LRRC19: variants seen among roughly 807,000 people sequenced by gnomAD.
LRRC19 encodes the protein leucine rich repeat containing 19.
Under a neutral mutation model 33.3 loss-of-function variants are expected in LRRC19, and 33 were observed. The ratio of observed to expected loss-of-function variants is 0.99; its 90% CI spans 0.75 to 1.33. LRRC19 has a LOEUF of 1.33. Ranked by LOEUF, LRRC19 falls within the 40% of genes most tolerant of loss-of-function variation. LRRC19 has a pLI of 0.00. For synonymous variants in LRRC19, 184 were observed against 152.3 expected (o/e 1.21, Z -1.53); for missense variants, 463 against 417.3 (o/e 1.11, Z -0.95).
chr9:26,998,926 G>A (rs559261375), intron 2 of LRRC19, among the ~76,000 whole-genome samples: 5 of 152,182 alleles, frequency 3.3e-5, no homozygotes, highest in South Asian at 2.1e-4. Flanking sequence ...CCCAGGAGGC[G>A]GAGGTTGCAG....
chr9:26,999,294 A>G (rs1828347391), intron 2 of LRRC19, among the ~76,000 whole-genome samples: 2 of 152,192 alleles, frequency 1.3e-5, no homozygotes, highest in South Asian at 4.1e-4. Flanking sequence ...TAATAATTCA[A>G]TAGCAGTTTC....
At position 26,999,635 on chromosome 9, in the gene LRRC19, G is replaced by A; in HGVS notation, c.60C>T (p.Asp20=). The part of the protein sequence containing the change: ...FWPLSMILLS[D]KIQSSKREVQ... ...TTACTCTTTTAGAAGACTGGATTTT[G>A]TCTGATAATAATATCATGGAGAGGG... Residue 20 remains aspartate, a synonymous_variant, in exon 2 of 5, where the codon GAC becomes GAT. Coordinates refer to ENST00000380055, the MANE Select transcript of LRRC19 (RefSeq NM_022901.3). 1.9e-6 allele frequency: 3 copies of A among 1,606,748 alleles called. No individual in the cohort carries two copies. Among genetic ancestry groups the A allele is most frequent in the Non-Finnish European group, 2.6e-6 (3 of 1,176,328 alleles).
At chr9:26,998,393 T>C in intron 2 of LRRC19, 152 bp from the exon 3 acceptor site, 3 of 472,946 alleles carry the variant, frequency 6.3e-6, no homozygotes, top group Non-Finnish European at 7.3e-6. Flanking sequence ...AGAGCAAATC[T>C]TTTTCTTTAT....
intron 1 of LRRC19, among the ~76,000 whole-genome samples, chr9:27,002,011 C>CT (rs1459621891): frequency 1.3e-5 from 2 of 151,474 alleles, no homozygotes; most frequent in Non-Finnish European, 2.9e-5. Flanking sequence ...GGATGCACGT[C>CT]TGGGGGGTCC....
chr9:27,005,448 G>C (rs539183204), intron 1 of LRRC19, 144 bp downstream of exon 1: 2 of 131,822 alleles, frequency 1.5e-5, no homozygotes, highest in East Asian at 4.5e-4. Flanking sequence ...TAGTATTTTT[G>C]AGGTAGACCA....
In LRRC19 at chr9:26,995,796, C is replaced by T; in HGVS notation, c.838G>A (p.Val280Ile). Reference sequence around the variant, plus strand: ...AAAATGAGAAGTGAAGTCGTCAGTACAGTGACAACAACACCAACAAGAAAA... The same window carrying T: ...AAAATGAGAAGTGAAGTCGTCAGTATAGTGACAACAACACCAACAAGAAAA... ...WAFLVGVVVT[V>I]LTTSLLIFIA... The change falls in exon 5 of 5, where the codon GTA becomes ATA. Residue 280 changes from valine (V) to isoleucine (I), a missense_variant. Coordinates refer to ENST00000380055, the MANE Select transcript of LRRC19 (RefSeq NM_022901.3). 1 of 1,612,570 alleles carries T rather than the reference C, an allele frequency of 6.2e-7. No homozygotes were observed. Among genetic ancestry groups the T allele is most frequent in the Non-Finnish European group, 8.5e-7 (1 of 1,179,214 alleles).
chr9:27,005,352 TCCC>T lies in LRRC19; in HGVS notation c.-10+237_-10+239del, dbSNP rs1443234170. Among the ~76,000 whole-genome samples the T allele has an allele frequency of 6.3e-4, 12 of 18,938 alleles. No individual in the cohort carries two copies. The East Asian group carries it at 0.029, about 46-fold the overall frequency. 12.4% of individuals were successfully genotyped at this position (18,938 alleles called of 152,430 possible). Reference sequence around the variant, plus strand: ...ATTTGATTGGCTAGATGAAACCATTTCCCCCCCCGCCCCCCGCAAAACAATTAC... The same window carrying T: ...ATTTGATTGGCTAGATGAAACCATTTCCCCCGCCCCCCGCAAAACAATTAC... On this transcript the variant is annotated intron_variant, in intron 1 of 4. Coordinates refer to ENST00000380055, the MANE Select transcript of LRRC19 (RefSeq NM_022901.3).
chr9:26,999,970 T>C (rs191841940), intron 1 of LRRC19, among the ~76,000 whole-genome samples: 1 of 152,012 alleles, frequency 6.6e-6, no homozygotes, highest in African/African-American at 2.4e-5. Context: ...GGGGTCACCA[T>C]GTGTTACTCA....
chr9:26,993,262 A>G lies in LRRC19; in HGVS notation c.*2259T>C, dbSNP rs1381559323. ...ATATTTCATTTTGCTACATTTCTCA[A>G]ATATTAATATTTGCATCTTATAATT... is the stretch of plus-strand genomic sequence containing the variant. On this transcript the variant is annotated 3_prime_UTR_variant, in exon 5 of 5. Coordinates refer to ENST00000380055, the MANE Select transcript of LRRC19 (RefSeq NM_022901.3). 2.0e-5 allele frequency: 3 copies of G among 152,128 alleles called. No individual in the cohort carries two copies. In the East Asian group the frequency reaches 5.8e-4, roughly 29 times the overall value. 9.4% of individuals were successfully genotyped at this position (152,128 alleles called of 1,614,324 possible).
chr9:26,994,011 C>A lies in LRRC19; in HGVS notation c.*1510G>T, dbSNP rs1489107133. The A allele has an allele frequency of 1.3e-5, 2 of 152,096 alleles. No individual in the cohort carries two copies. Among genetic ancestry groups the A allele is most frequent in the Non-Finnish European group, 2.9e-5 (2 of 68,014 alleles). 9.4% of individuals were successfully genotyped at this position (152,096 alleles called of 1,614,324 possible). On this transcript the variant is annotated 3_prime_UTR_variant, in exon 5 of 5. Transcript: ENST00000380055. ...ATAAATTATTAAATTGTGATTATAGCCAATTGATTATGAGGACTCAGCAAA... is the reference window on the plus strand; with the variant it reads ...ATAAATTATTAAATTGTGATTATAGACAATTGATTATGAGGACTCAGCAAA...
chr9:26,997,526 G>T (rs1254147369), intron 3 of LRRC19, among the ~76,000 whole-genome samples: 1 of 152,022 alleles, frequency 6.6e-6, no homozygotes, highest in African/African-American at 2.4e-5. Flanking sequence ...CAGAGATGGG[G>T]TTTCACCATG....
intron 1 of LRRC19, among the ~76,000 whole-genome samples, chr9:27,001,760 C>T (rs901210549): frequency 1.3e-5 from 2 of 151,866 alleles, no homozygotes; most frequent in South Asian, 2.1e-4. Context: ...TTTCTCATTC[C>T]GTGGGTTGTC....
intron 1 of LRRC19, among the ~76,000 whole-genome samples, chr9:27,002,538 G>A (rs996395767): frequency 1.3e-5 from 2 of 152,172 alleles, no homozygotes; most frequent in Non-Finnish European, 2.9e-5. Flanking sequence ...ACCATTTATT[G>A]AAACAACTAT....
At chr9:26,995,923 C>G in intron 4 of LRRC19, 74 bp from the exon 5 acceptor site, 1 of 1,021,146 alleles carries the variant, frequency 9.8e-7, no homozygotes, top group East Asian at 2.6e-5. Context: ...ATTATATATC[C>G]TAATTCTCCT....
Position 26,997,889 on chromosome 9 carries a change from C to T in LRRC19, c.434G>A (p.Arg145Lys), listed in dbSNP as rs758711575. ...TTGCAGATTCAGAAGTTTTAGGCTT[C>T]TTAGAGGCACAAATACATCAGCATT... Reference protein sequence around the residue: ...QLNADVFVPLRSLKLLNLQGN... With the variant: ...QLNADVFVPLKSLKLLNLQGN... Residue 145 changes from arginine (R) to lysine (K), a missense_variant, in exon 3 of 5, where the codon AGA (arginine) becomes AAA (lysine). Arg to Lys is a conservative substitution (Grantham distance 26). Coordinates refer to ENST00000380055, the MANE Select transcript of LRRC19 (RefSeq NM_022901.3). The T allele has an allele frequency of 6.2e-7, 1 of 1,614,032 alleles. No individual in the cohort carries two copies. Among genetic ancestry groups the T allele is most frequent in the Non-Finnish European group, 8.5e-7 (1 of 1,180,020 alleles).
Position 26,998,204 on chromosome 9 carries a change from A to T in LRRC19, c.119T>A (p.Leu40Ter), listed in dbSNP as rs934346255. Residue 40 changes from leucine (L) to a stop codon, truncating the protein, a stop_gained, in exon 3 of 5, where the codon TTG becomes TAG. Coordinates refer to ENST00000380055, the MANE Select transcript of LRRC19 (RefSeq NM_022901.3). LOFTEE classifies it high-confidence loss of function. Reference sequence around the variant, plus strand: ...ATCTTTCTTGATATCTGCTGGAATCAAGGTATAATTTTTTTCAGTAAAATT... The same window carrying T: ...ATCTTTCTTGATATCTGCTGGAATCTAGGTATAATTTTTTTCAGTAAAATT... ...QCNFTEKNYT[L>*]IPADIKKDVT... 6.5e-7 allele frequency: 1 copy of T among 1,527,332 alleles called. No individual in the cohort carries two copies. Among genetic ancestry groups the T allele is most frequent in the South Asian group, 1.3e-5 (1 of 78,700 alleles). The allele number at this position is 1,527,332 out of a possible 1,614,324, so 94.6% of individuals were successfully genotyped here.
rs762212479 is a variant in LRRC19 at position 26,998,141 on chromosome 9, AGAG to A, written c.179_181del (p.Thr60_Leu61delinsIle). ...TAGAACTCTTGTGTCTGTACCATTA[AGAG>A]TAATTTGGTTATAACTGAGATCAAG... On this transcript the variant is annotated inframe_deletion, in exon 3 of 5. Transcript: ENST00000380055. The A allele has an allele frequency of 6.2e-7, 1 of 1,610,688 alleles. No individual in the cohort carries two copies. Among genetic ancestry groups the A allele is most frequent in the Non-Finnish European group, 8.5e-7 (1 of 1,177,658 alleles).
Position 26,996,461 on chromosome 9 carries a change from G to T in LRRC19, c.634C>A (p.Leu212Met). The change falls in exon 4 of 5, where the codon CTG becomes ATG. Residue 212 changes from leucine (L) to methionine (M), a missense_variant. By Grantham distance (15) the Leu-to-Met change is conservative. Coordinates refer to ENST00000380055, the MANE Select transcript of LRRC19 (RefSeq NM_022901.3). Reference sequence around the variant, plus strand: ...ACTGTTTTGATATTGTAGCTCTGCAGGCTGTTGGGGTAGCTACACATGGTG... The same window carrying T: ...ACTGTTTTGATATTGTAGCTCTGCATGCTGTTGGGGTAGCTACACATGGTG... The part of the protein sequence containing the change: ...NITMCSYPNS[L>M]QSYNIKTVPH... 1 of 1,540,710 alleles carries T rather than the reference G, an allele frequency of 6.5e-7. No individual in the cohort carries two copies. Among genetic ancestry groups the T allele is most frequent in the Non-Finnish European group, 8.8e-7 (1 of 1,136,300 alleles).
In LRRC19 at chr9:26,999,657, A is replaced by G; in HGVS notation, c.38T>C (p.Leu13Pro). The G allele has an allele frequency of 6.2e-6, 10 of 1,609,458 alleles. No individual in the cohort carries two copies. The highest frequency in any genetic ancestry group is 8.5e-6 in the Non-Finnish European group (10 of 1,178,044). ...TTTGTCTGATAATAATATCATGGAG[A>G]GGGGCCAAAAGAGGATTGTGATGCC... ...VTGITILFWPLSMILLSDKIQ... is the reference protein window; with the variant it reads ...VTGITILFWPPSMILLSDKIQ... The change falls in exon 2 of 5, where the codon CTC (leucine) becomes CCC (proline). Residue 13 changes from leucine (L) to proline (P), a missense_variant. Physicochemically the swap from Leu to Pro is moderately conservative, Grantham distance 98. Transcript: ENST00000380055.
Sources: allele counts gnomAD v4.1 joint callset (sites outside exome capture counted in the v4.1 genomes callset), GRCh38; gene constraint gnomAD v4.1.1; transcripts MANE v1.5; gene names NCBI Gene and HGNC (gene_info 2026-07-23, HGNC 2026-07-21).